MBNL2: variants seen among roughly 807,000 people sequenced by gnomAD.
MBNL2 encodes muscleblind like splicing regulator 2.
A neutral mutation model predicts 41.9 loss-of-function variants in MBNL2; 17 were observed. The observed-to-expected ratio is 0.41, with a 90% CI of 0.28 to 0.61. The LOEUF (loss-of-function observed/expected upper bound fraction) is 0.61, where lower values mean the gene tolerates loss of function less well. MBNL2 is among the 20% of genes least tolerant of loss of function. MBNL2 has a pLI of 0.35. For synonymous variants in MBNL2, 195 were observed against 182.9 expected, an observed-to-expected ratio of 1.07 and a Z score of -0.53; for missense variants, 336 against 505.6, an observed-to-expected ratio of 0.66 and a Z score of 3.22.
At chr13:97,317,019 G>A (rs1050033979) in intron 2 of MBNL2, among the ~76,000 whole-genome samples, 1 of 152,198 alleles carries the variant, frequency 6.6e-6, no homozygotes, top group Non-Finnish European at 1.5e-5. Context: ...AGTAGAGAAG[G>A]CATCTGTTGG....
Position 97,361,754 on chromosome 13 carries a change from C to T in MBNL2, c.1013-3382C>T, listed in dbSNP as rs969629995. ...AAAAATAAGAGCGGATTTTTATAGG[C>T]GTAATTTTTTTTTTTTTTTTTTTTT... On this transcript the variant is annotated intron_variant, in intron 7 of 8. Transcript: ENST00000679496. Among the ~76,000 whole-genome samples, 396 of 129,036 alleles carry T rather than the reference C, an allele frequency of 3.1e-3. 4 individuals carry two copies. Among genetic ancestry groups the T allele is most frequent in the African/African-American group, 0.011 (373 of 35,020 alleles). 84.7% of individuals were successfully genotyped at this position (129,036 alleles called of 152,430 possible).
At chr13:97,219,280 C>T (rs889748723), upstream of MBNL2, among the ~76,000 whole-genome samples, 1 of 152,156 alleles carries the variant, frequency 6.6e-6, no homozygotes, top group African/African-American at 2.4e-5. Flanking sequence ...GGGAAGGGTT[C>T]CCTGAACAGA....
Position 97,392,353 on chromosome 13 carries a change from TTGAC to T in MBNL2, c.*907_*910del, listed in dbSNP as rs1483171819. ...AAGTTTGAGTTTAGTCACTGCAAAT[TTGAC>T]TGTGACTTTAATCTAAATTACTATG... On this transcript the variant is annotated 3_prime_UTR_variant, in exon 9 of 9. Transcript: ENST00000679496. 6.6e-6 allele frequency: 1 copy of T among 152,592 alleles called. No homozygotes were observed. Among genetic ancestry groups the T allele is most frequent in the Non-Finnish European group, 1.5e-5 (1 of 68,014 alleles). The allele number at this position is 152,592 out of a possible 1,614,324, so 9.5% of individuals were successfully genotyped here. A position where few individuals can be genotyped will look rare whatever the true frequency, so the allele number is the denominator to read the frequency against.
At position 97,338,857 on chromosome 13, in the gene MBNL2, C is replaced by T. The variant is rs115856964; in HGVS notation, c.340-4159C>T. ...CCAGGCACGTACCCTTTAAAGCAGA[C>T]GCATTCTAAACGAGTGGGACGACGG... is the stretch of plus-strand genomic sequence containing the variant. On this transcript the variant is annotated intron_variant, in intron 3 of 8. Coordinates refer to ENST00000679496, the MANE Select transcript of MBNL2 (RefSeq NM_001382683.1). Among the ~76,000 whole-genome samples, 568 of 152,266 alleles carry T rather than the reference C, an allele frequency of 3.7e-3. 3 individuals carry two copies. The highest frequency in any genetic ancestry group is 0.013 in the African/African-American group (546 of 41,562).
chr13:97,172,162 G>T, the MBNL2 span, among the ~76,000 whole-genome samples: 2 of 152,270 alleles, frequency 1.3e-5, no homozygotes, highest in African/African-American at 4.8e-5. Context: ...ATCACGGGCA[G>T]TGGAGCAGAG....
At chr13:97,230,705 A>G (rs2152780282) in intron 1 of MBNL2, among the ~76,000 whole-genome samples, 1 of 152,360 alleles carries the variant, frequency 6.6e-6, no homozygotes, top group East Asian at 1.9e-4. Context: ...CAATACTATT[A>G]AGCACCATAG....
At chr13:97,357,736 A>T in intron 7 of MBNL2, 101 bp downstream of exon 7, 1 of 1,129,960 alleles carries the variant, frequency 8.8e-7, no homozygotes, top group South Asian at 1.2e-5. Flanking sequence ...TTTTGAAGGT[A>T]TAATACAGTT....
At position 97,263,887 on chromosome 13, in the gene MBNL2, G is replaced by A. The variant is rs183192451; in HGVS notation, c.-604-11745G>A. 1.3e-3 allele frequency among the ~76,000 whole-genome samples: 204 copies of A among 152,146 alleles called. 2 individuals are homozygous for A. The highest frequency in any genetic ancestry group is 4.6e-3 in the African/African-American group (190 of 41,498). ...CCCGCCTCGGCCTCCGAAAGTGCTC[G>A]GATTACAGGTGTGAGGCACTGTGCC... is the stretch of plus-strand genomic sequence containing the variant. On this transcript the variant is annotated intron_variant, in intron 1 of 8. Transcript: ENST00000679496.
chr13:97,227,586 T>C (rs981974134), intron 1 of MBNL2, among the ~76,000 whole-genome samples: 9 of 152,334 alleles, frequency 5.9e-5, no homozygotes, highest in African/African-American at 2.2e-4. Flanking sequence ...TAGGGCACTC[T>C]GGCAAGGATG....
chr13:97,209,500 A>G, the MBNL2 span, among the ~76,000 whole-genome samples: 5 of 152,374 alleles, frequency 3.3e-5, no homozygotes, highest in East Asian at 7.7e-4. Context: ...ACTGCAAAGT[A>G]GTGTTCAAAG....
rs115785868 is a variant in MBNL2, at chr13:97,273,411, G to A, written c.-604-2221G>A. On this transcript the variant is annotated intron_variant, in intron 1 of 8. Transcript: ENST00000679496. ...TGAAACCCAACCCATATTAAATTTG[G>A]TTATTAAACTCATCTTCTTAAGCTC... 4.0e-3 allele frequency among the ~76,000 whole-genome samples: 604 copies of A among 152,216 alleles called. 10 individuals are homozygous for A. The highest frequency in any genetic ancestry group is 0.013 in the African/African-American group (554 of 41,516).
At chr13:97,238,503 T>C (rs562262468) in intron 1 of MBNL2, among the ~76,000 whole-genome samples, 6 of 152,162 alleles carry the variant, frequency 3.9e-5, no homozygotes, top group South Asian at 2.1e-4. Context: ...CAGGTGAGAA[T>C]GGGAAATGGT....
intron 1 of MBNL2, among the ~76,000 whole-genome samples, chr13:97,251,920 G>A (rs2046617018): frequency 7.1e-6 from 1 of 140,950 alleles, no homozygotes; most frequent in African/African-American, 2.7e-5. Context: ...GCGCAATCTC[G>A]GCTCACTGCA....
Position 97,334,419 on chromosome 13 carries a change from A to T in MBNL2, c.318A>T (p.Pro106=), listed in dbSNP as rs1252862468. 1 of 1,612,854 alleles carries T rather than the reference A, an allele frequency of 6.2e-7. No individual in the cohort carries two copies. Among genetic ancestry groups the T allele is most frequent in the Non-Finnish European group, 8.5e-7 (1 of 1,179,304 alleles). ...MLAQQMQFMF[P]GTPLHPVPTF... ...CCCAGCAGATGCAATTTATGTTTCC[A>T]GGAACACCACTTCATCCAGTGGTGA... Residue 106 remains proline (P), a synonymous_variant, in exon 3 of 9, where the codon CCA becomes CCT. Transcript: ENST00000679496. This position sits in a 1 kb window ranked among gnomAD's most constrained non-coding sequence, Gnocchi z 5.3.
At chr13:97,207,407 G>C in the MBNL2 span, among the ~76,000 whole-genome samples, 3 of 152,188 alleles carry the variant, frequency 2.0e-5, no homozygotes, top group African/African-American at 7.2e-5. Flanking sequence ...CGTGGCTGGG[G>C]AAGCCTCACA....
chr13:97,271,609 A>G (rs1239300259), intron 1 of MBNL2, among the ~76,000 whole-genome samples: 1 of 151,972 alleles, frequency 6.6e-6, no homozygotes, highest in Non-Finnish European at 1.5e-5. Flanking sequence ...AGGCTCTCGT[A>G]TGTGATGTTC....
At chr13:97,377,710 ATTCTT>A (rs1220750349) in intron 8 of MBNL2, among the ~76,000 whole-genome samples, 5 of 152,228 alleles carry the variant, frequency 3.3e-5, no homozygotes, top group African/African-American at 9.6e-5. Context: ...TATTGTTCAT[ATTCTT>A]TTCTTTGCTT....
At chr13:97,350,237 C>T (rs1264567722) in intron 5 of MBNL2, among the ~76,000 whole-genome samples, 2 of 152,172 alleles carry the variant, frequency 1.3e-5, no homozygotes, top group African/African-American at 4.8e-5. Context: ...AATATATACA[C>T]ACCTTAATTT....
intron 8 of MBNL2, among the ~76,000 whole-genome samples, chr13:97,369,579 A>G (rs1010678216): frequency 5.9e-5 from 9 of 152,244 alleles, no homozygotes; most frequent in African/African-American, 2.2e-4. Context: ...TGTCAGTTCA[A>G]ATATTTAAAA....
Sources: gnomAD v4.1 joint callset for allele counts (sites outside exome capture counted in the v4.1 genomes callset) on GRCh38, gnomAD v4.1.1 for gene constraint, Gnocchi (gnomAD v3.1) non-coding constraint, MANE v1.5 for transcripts, NCBI Gene and HGNC (gene_info 2026-07-23, HGNC 2026-07-21) for gene names.